Variants in ANKRD31 observed in about 807,000 individuals in gnomAD.
ANKRD31 encodes ankyrin repeat domain 31, also known as ankyrin repeat domain-containing protein 31.
Under a neutral mutation model 186.0 loss-of-function variants are expected in ANKRD31, and 147 were observed. That is an observed-to-expected ratio of 0.79 (90% CI 0.69 to 0.91). ANKRD31 has a LOEUF of 0.91. Ranked by LOEUF, ANKRD31 falls within the 40% of genes least tolerant of loss-of-function variation. The pLI, the probability that ANKRD31 is intolerant of heterozygous loss-of-function variation, is 0.00. For missense variants in ANKRD31, 1,986 were observed against 2,148.8 expected (o/e 0.92, Z 1.50); for synonymous variants, 673 against 736.4 (o/e 0.91, Z 1.39).
intron 23 of ANKRD31, among the ~76,000 whole-genome samples, chr5:75,085,025 T>C (rs1441580277): frequency 6.6e-6 from 1 of 152,156 alleles, no homozygotes; most frequent in Non-Finnish European, 1.5e-5. Context: ...TTGGGTTCTT[T>C]ACTCTTAGCT....
chr5:75,178,003 GAC>G (rs1159545161), intron 10 of ANKRD31, among the ~76,000 whole-genome samples: 1 of 152,092 alleles, frequency 6.6e-6, no homozygotes, highest in Non-Finnish European at 1.5e-5. Flanking sequence ...CACGTGCAGA[GAC>G]ACACATAGGC....
intron 1 of ANKRD31, among the ~76,000 whole-genome samples, chr5:75,231,632 A>G (rs1466758469): frequency 2.0e-5 from 3 of 152,226 alleles, no homozygotes; most frequent in Non-Finnish European, 4.4e-5. Flanking sequence ...ACAAATAGCC[A>G]ACAAGTACAC....
chr5:75,136,039 T>G (rs985875322), intron 17 of ANKRD31, among the ~76,000 whole-genome samples: 1 of 152,128 alleles, frequency 6.6e-6, no homozygotes, highest in African/African-American at 2.4e-5. Flanking sequence ...AAGACTTAAA[T>G]GTAGACCTAA....
intron 11 of ANKRD31, among the ~76,000 whole-genome samples, chr5:75,155,999 C>T (rs1030450212): frequency 2.0e-5 from 3 of 151,962 alleles, no homozygotes; most frequent in South Asian, 2.1e-4. Flanking sequence ...CTCTGCCTCC[C>T]GGGTTCAATC....
chr5:75,206,246 AAAATATATATATATATATAT>A (rs1756207965), intron 5 of ANKRD31, among the ~76,000 whole-genome samples, 145 bp downstream of exon 5: 2 of 8,608 alleles, frequency 2.3e-4, no homozygotes, highest in Non-Finnish European at 3.4e-4. Context: ...AAAAAAAAAA[AAAATATATATATATATATAT>A]ATATATATAT....
intron 10 of ANKRD31, among the ~76,000 whole-genome samples, chr5:75,181,816 G>A (rs1017186618): frequency 3.3e-5 from 5 of 151,576 alleles, no homozygotes; most frequent in Admixed American, 6.6e-5. Context: ...GCACACCAAC[G>A]TGGCACAGGT....
intron 12 of ANKRD31, among the ~76,000 whole-genome samples, chr5:75,151,000 T>C (rs1158328562): frequency 6.6e-6 from 1 of 151,986 alleles, no homozygotes; most frequent in Non-Finnish European, 1.5e-5. Context: ...AATGAACCAT[T>C]AATTAATTAC....
At chr5:75,079,697 A>T (rs998730003) in intron 25 of ANKRD31, among the ~76,000 whole-genome samples, 5 of 152,138 alleles carry the variant, frequency 3.3e-5, no homozygotes, top group African/African-American at 1.2e-4. Flanking sequence ...GCTGGTCTTC[A>T]GCTCCTGACC....
intron 25 of ANKRD31, 75 bp downstream of exon 25, chr5:75,080,484 AATCTATTTG>A: frequency 1.1e-6 from 1 of 871,462 alleles, no homozygotes; most frequent in Non-Finnish European, 1.7e-6. Flanking sequence ...AATATTTGAC[AATCTATTTG>A]ATCTATTTGC....
At chr5:75,112,409 A>G (rs1048572368) in intron 20 of ANKRD31, 104 bp downstream of exon 20, 3 of 680,906 alleles carry the variant, frequency 4.4e-6, no homozygotes, top group Non-Finnish European at 7.0e-6. Flanking sequence ...TAAAAATAGA[A>G]CACCACTTTT....
chr5:75,218,882 C>A (rs1367245064), intron 3 of ANKRD31, among the ~76,000 whole-genome samples: 4 of 152,046 alleles, frequency 2.6e-5, no homozygotes, highest in African/African-American at 9.7e-5. Context: ...AAGACAAAAA[C>A]CACATGATTA....
intron 3 of ANKRD31, 104 bp from the exon 4 acceptor site, chr5:75,210,969 G>T: frequency 3.9e-6 from 3 of 768,596 alleles, no homozygotes; most frequent in South Asian, 2.1e-5. Flanking sequence ...TTCTTTCTTA[G>T]CTTCTTTTTA....
intron 24 of ANKRD31, among the ~76,000 whole-genome samples, chr5:75,081,499 A>T (rs1367950357): frequency 6.6e-6 from 1 of 152,204 alleles, no homozygotes; most frequent in Non-Finnish European, 1.5e-5. Context: ...CCTCTGAGGA[A>T]GGAGATACCT....
chr5:75,204,531 T>C (rs766924066), intron 5 of ANKRD31, among the ~76,000 whole-genome samples: 15 of 152,238 alleles, frequency 9.9e-5, no homozygotes, highest in Non-Finnish European at 1.5e-4. Flanking sequence ...ATATGTTATG[T>C]AGTGTTACTA....
chr5:75,138,320 T>A (rs573281168), intron 16 of ANKRD31, among the ~76,000 whole-genome samples: 1 of 152,220 alleles, frequency 6.6e-6, no homozygotes, highest in Admixed American at 6.5e-5. Context: ...GACTTTCCTA[T>A]GTGTATCTTT....
chr5:75,084,459 T>C (rs1238697540), intron 23 of ANKRD31, 85 bp from the exon 24 acceptor site: 1 of 1,091,936 alleles, frequency 9.2e-7, no homozygotes, highest in Non-Finnish European at 1.3e-6. Context: ...GTAATTTTTA[T>C]AAGGTTTTGA....
chr5:75,197,360 G>T (rs75047163), intron 6 of ANKRD31, among the ~76,000 whole-genome samples: 11 of 152,210 alleles, frequency 7.2e-5, no homozygotes, highest in Middle Eastern at 3.4e-3. Context: ...ACCAGAATGG[G>T]TTTCAATGAC....
At chr5:75,143,415 T>C (rs1413940696) in intron 15 of ANKRD31, among the ~76,000 whole-genome samples, 1 of 152,124 alleles carries the variant, frequency 6.6e-6, no homozygotes, top group Non-Finnish European at 1.5e-5. Context: ...TCAGTTTACA[T>C]GAGAGGGGGA....
At chr5:75,084,524 A>G (rs1745335188) in intron 23 of ANKRD31, 150 bp from the exon 24 acceptor site, 1 of 608,572 alleles carries the variant, frequency 1.6e-6, no homozygotes, top group African/African-American at 1.8e-5. Flanking sequence ...CCCACCTGCA[A>G]CCTTCTTTTC....
Sources: allele counts gnomAD v4.1 joint callset (sites outside exome capture counted in the v4.1 genomes callset), GRCh38; gene constraint gnomAD v4.1.1; transcripts MANE v1.5; gene names NCBI Gene and HGNC (gene_info 2026-07-23, HGNC 2026-07-21).